MYBL2: variants seen among roughly 807,000 people sequenced by gnomAD.
MYBL2 encodes myb-related protein B.
Under a neutral mutation model 79.9 loss-of-function variants are expected in MYBL2, and 28 were observed. The ratio of observed to expected loss-of-function variants is 0.35; its 90% confidence interval spans 0.26 to 0.48. The LOEUF (loss-of-function observed/expected upper bound fraction) is 0.48, where lower values mean the gene tolerates loss of function less well. MYBL2 is among the 20% of genes least tolerant of loss of function. MYBL2 has a pLI of 0.99. For missense variants in MYBL2, 735 were observed against 893.9 expected (o/e 0.82, Z 2.27); for synonymous variants, 378 against 361.2 (o/e 1.05, Z -0.53).
intron 5 of MYBL2, among the ~76,000 whole-genome samples, chr20:43,687,983 G>C (rs1343541070): frequency 7.1e-6 from 1 of 141,768 alleles, no homozygotes; most frequent in African/African-American, 2.6e-5. Context: ...CTGCACTCCA[G>C]CCTGGGCGAC....
intron 4 of MYBL2, 103 bp downstream of exon 4, chr20:43,682,989 G>C (rs1179174036): frequency 1.8e-6 from 2 of 1,099,002 alleles, no homozygotes; most frequent in Non-Finnish European, 2.8e-6. Flanking sequence ...GTCAAGCTGA[G>C]CATTGGGTGT....
At chr20:43,706,157 G>A (rs1053573280) in intron 9 of MYBL2, among the ~76,000 whole-genome samples, 8 of 152,198 alleles carry the variant, frequency 5.3e-5, no homozygotes, top group Non-Finnish European at 1.2e-4. Flanking sequence ...CTCAGGAATG[G>A]AGAGTCCAAA....
chr20:43,709,907 G>A (rs1377631903), intron 9 of MYBL2, 56 bp from the exon 10 acceptor site: 7 of 1,401,164 alleles, frequency 5.0e-6, no homozygotes, highest in Non-Finnish European at 5.9e-6. Flanking sequence ...GGGCAGCAGA[G>A]TGCCTGGCGT....
At position 43,686,904 on chromosome 20, in the gene MYBL2, A is replaced by G. The variant is rs780528029; in HGVS notation, c.332A>G (p.Lys111Arg). 6.8e-6 allele frequency: 11 copies of G among 1,614,234 alleles called. No homozygotes were observed. The highest frequency in any genetic ancestry group is 9.3e-6 in the Non-Finnish European group (11 of 1,180,042). ...ACAAAGCAGTGGACACTGATTGCCA[A>G]GCACCTGAAGGGCCGGCTGGGGAAG... ...YGTKQWTLIAKHLKGRLGKQC... is the reference protein window; with the variant it reads ...YGTKQWTLIARHLKGRLGKQC... The change falls in exon 5 of 14, where the codon AAG (lysine) becomes AGG (arginine). Residue 111 changes from lysine (K) to arginine (R), a missense_variant. Around this residue, in one of 5 missense-constraint regions of MYBL2, gnomAD observed 65 missense variants for 145.2 expected, o/e 0.45. Coordinates refer to ENST00000217026, the MANE Select transcript of MYBL2 (RefSeq NM_002466.4).
At chr20:43,715,106 T>G in intron 12 of MYBL2, 28 bp from the exon 13 acceptor site, 1 of 1,610,060 alleles carries the variant, frequency 6.2e-7, no homozygotes, top group Non-Finnish European at 8.5e-7. Context: ...CGCAAAATGG[T>G]GACTCCTTGA....
chr20:43,684,142 T>C (rs562086664), intron 4 of MYBL2, among the ~76,000 whole-genome samples: 1 of 152,216 alleles, frequency 6.6e-6, no homozygotes, highest in East Asian at 1.9e-4. Context: ...CTGCCCAGGC[T>C]GGTTGAACTT....
intron 7 of MYBL2, among the ~76,000 whole-genome samples, chr20:43,701,276 G>A (rs1987669519): frequency 6.8e-6 from 1 of 145,986 alleles, no homozygotes; most frequent in African/African-American, 2.4e-5. Flanking sequence ...GTCCTTGTAG[G>A]ATGTACTTCT....
intron 8 of MYBL2, among the ~76,000 whole-genome samples, chr20:43,703,411 G>C (rs1987715175): frequency 6.6e-6 from 1 of 152,242 alleles, no homozygotes; most frequent in Non-Finnish European, 1.5e-5. Flanking sequence ...AGAACTCACT[G>C]TTCTGGGTGT....
intron 6 of MYBL2, among the ~76,000 whole-genome samples, chr20:43,698,500 C>G (rs895915376): frequency 6.7e-6 from 1 of 150,070 alleles, no homozygotes; most frequent in Admixed American, 6.7e-5. Context: ...GCCTCAGCCT[C>G]TCAAGTAGCT....
chr20:43,667,952 G>C (rs551760948), intron 1 of MYBL2, among the ~76,000 whole-genome samples: 1 of 152,230 alleles, frequency 6.6e-6, no homozygotes, highest in East Asian at 1.9e-4. Context: ...TTGAAGGTGC[G>C]GGGGAGAGAG....
In MYBL2 at chr20:43,673,838, C is replaced by A; in HGVS notation, c.53C>A (p.Thr18Lys). 6.4e-7 allele frequency: 1 copy of A among 1,561,196 alleles called. No individual in the cohort carries two copies. The highest frequency in any genetic ancestry group is 8.7e-7 in the Non-Finnish European group (1 of 1,151,530). ...EDLDELHYQD[T>K]DSDVPEQRDS... ...CTGGATGAGCTGCACTACCAGGACA[C>A]AGATTCAGATGTGCCGGAGCAGAGG... The change falls in exon 2 of 14, where the codon ACA becomes AAA. Residue 18 changes from threonine (T) to lysine (K), a missense_variant. Coordinates refer to ENST00000217026, the MANE Select transcript of MYBL2 (RefSeq NM_002466.4).
chr20:43,693,451 A>G (rs1170812241), intron 6 of MYBL2, among the ~76,000 whole-genome samples: 3 of 152,072 alleles, frequency 2.0e-5, no homozygotes, highest in Admixed American at 1.3e-4. Context: ...CGATTCTGCT[A>G]ACTCAGCATC....
At chr20:43,670,398 G>A (rs1045776944) in intron 1 of MYBL2, among the ~76,000 whole-genome samples, 4 of 152,088 alleles carry the variant, frequency 2.6e-5, no homozygotes, top group Non-Finnish European at 5.9e-5. Context: ...ATTGCTGACT[G>A]TAGACACCGT....
chr20:43,695,945 G>A (rs1222861566), intron 6 of MYBL2, among the ~76,000 whole-genome samples: 5 of 152,098 alleles, frequency 3.3e-5, no homozygotes, highest in African/African-American at 9.7e-5. Context: ...TTGAACTGGC[G>A]TGGCGGAGGT....
chr20:43,710,217 T>C (rs934830442), intron 10 of MYBL2, among the ~76,000 whole-genome samples, 155 bp downstream of exon 10: 18 of 152,242 alleles, frequency 1.2e-4, no homozygotes, highest in Admixed American at 1.2e-3. Flanking sequence ...ATGGGGAAGC[T>C]GAGGCTGCTC....
chr20:43,677,845 A>G (rs964085145), intron 2 of MYBL2, among the ~76,000 whole-genome samples: 10 of 152,190 alleles, frequency 6.6e-5, no homozygotes, highest in South Asian at 6.2e-4. Context: ...TGACAATGGC[A>G]GTTTTGTGGA....
intron 2 of MYBL2, among the ~76,000 whole-genome samples, chr20:43,674,391 AT>A (rs3091618): frequency 0.78 from 105,472 of 135,798 alleles, 40,739 homozygotes; most frequent in Non-Finnish European, 0.81. Flanking sequence ...CATCCAGCTA[AT>A]TTTTTTTTTT....
intron 2 of MYBL2, among the ~76,000 whole-genome samples, chr20:43,680,458 G>A (rs1340065431): frequency 6.6e-6 from 1 of 152,150 alleles, no homozygotes; most frequent in East Asian, 1.9e-4. Context: ...TCTCGACTGA[G>A]TAATATCCAT....
chr20:43,696,322 C>T (rs1301500995), intron 6 of MYBL2, among the ~76,000 whole-genome samples: 2 of 151,814 alleles, frequency 1.3e-5, no homozygotes, highest in African/African-American at 4.8e-5. Flanking sequence ...CTCACCGCAA[C>T]CTCCGCCTCC....
Sources: allele counts gnomAD v4.1 joint callset (sites outside exome capture counted in the v4.1 genomes callset), GRCh38; gene constraint gnomAD v4.1.1; regional missense constraint gnomAD v4.1.1; transcripts MANE v1.5; gene names NCBI Gene and HGNC (gene_info 2026-07-23, HGNC 2026-07-21).